Variants in ZDHHC9 observed in about 807,000 individuals in gnomAD.
ZDHHC9 encodes zDHHC palmitoyltransferase 9.
In ZDHHC9, 3 loss-of-function variants were observed where a neutral mutation model predicts 26.6. The ratio of observed to expected loss-of-function variants is 0.11; its 90% confidence interval spans 0.05 to 0.29. The LOEUF (loss-of-function observed/expected upper bound fraction) is 0.29, where lower values mean the gene tolerates loss of function less well. ZDHHC9 is among the 10% of genes least tolerant of loss of function. The pLI is 1.00. For missense variants in ZDHHC9, 146 were observed against 296.4 expected (o/e 0.49, Z 3.73); for synonymous variants, 111 against 109.4 (o/e 1.01, Z -0.09).
At chrX:129,830,139 C>T (rs905378651) in intron 3 of ZDHHC9, among the ~76,000 whole-genome samples, 9 of 111,851 alleles carry the variant, frequency 8.0e-5, no homozygotes, top group Non-Finnish European at 1.9e-5. Flanking sequence ...CTTCCAGAGC[C>T]TTGCATTATT....
intron 3 of ZDHHC9, among the ~76,000 whole-genome samples, chrX:129,839,306 G>A (rs1928327833): frequency 9.3e-6 from 1 of 107,978 alleles, no homozygotes; most frequent in Non-Finnish European, 1.9e-5. Flanking sequence ...CGCCTCCCAG[G>A]TGCAAGGGAT....
chrX:129,829,180 CCCTATAT>C (rs751484308), intron 3 of ZDHHC9, 39 bp from the exon 4 acceptor site: 745 of 1,193,030 alleles, frequency 6.2e-4, no homozygotes, highest in Non-Finnish European at 8.1e-4. Flanking sequence ...ATGATACCTA[CCCTATAT>C]TGATCTCCAA....
intron 5 of ZDHHC9, among the ~76,000 whole-genome samples, chrX:129,818,939 G>A (rs1345736707): frequency 9.0e-6 from 1 of 110,511 alleles, no homozygotes; most frequent in Non-Finnish European, 1.9e-5. Context: ...TTGGGAGGCC[G>A]AGGCAGGTGG....
At chrX:129,823,509 A>G (rs1289277140) in intron 5 of ZDHHC9, 170 bp downstream of exon 5, 1 of 518,546 alleles carries the variant, frequency 1.9e-6, no homozygotes, top group Non-Finnish European at 3.3e-6. Flanking sequence ...ACACAAGTAC[A>G]GCTGATTTGC....
At chrX:129,806,694 A>G (rs1370008428) in intron 10 of ZDHHC9, among the ~76,000 whole-genome samples, 1 of 112,000 alleles carries the variant, frequency 8.9e-6, no homozygotes, top group African/African-American at 3.2e-5. Flanking sequence ...TTGATCCTTA[A>G]CTGTTGGTTG....
At chrX:129,822,660 T>C (rs1927917459) in intron 5 of ZDHHC9, among the ~76,000 whole-genome samples, 1 of 111,133 alleles carries the variant, frequency 9.0e-6, no homozygotes, top group South Asian at 3.7e-4. Flanking sequence ...TTTATAAAAA[T>C]CTTATATACA....
intron 4 of ZDHHC9, 109 bp from the exon 5 acceptor site, chrX:129,823,946 C>CTG (rs1927951354): frequency 1.4e-6 from 1 of 737,771 alleles, no homozygotes; most frequent in Non-Finnish European, 2.1e-6. Flanking sequence ...CCCAAGCCCC[C>CTG]TGTCTTTTAT....
chrX:129,817,585 T>C (rs1927785455), intron 5 of ZDHHC9, among the ~76,000 whole-genome samples: 1 of 111,705 alleles, frequency 9.0e-6, no homozygotes, highest in Admixed American at 9.5e-5. Flanking sequence ...CCAAAACCCT[T>C]TCATTACTCC....
intron 5 of ZDHHC9, among the ~76,000 whole-genome samples, chrX:129,820,081 A>C (rs1040546030): frequency 9.0e-6 from 1 of 111,069 alleles, no homozygotes; most frequent in Non-Finnish European, 1.9e-5. Context: ...TGAGTTAAAC[A>C]TTTCCACCCC....
At chrX:129,832,961 C>G (rs1345523021) in intron 3 of ZDHHC9, among the ~76,000 whole-genome samples, 1 of 82,584 alleles carries the variant, frequency 1.2e-5, no homozygotes, top group Non-Finnish European at 2.2e-5. Flanking sequence ...CAAGACTCCA[C>G]CTCAAAAAAA....
At chrX:129,827,022 C>T (rs1227230546) in intron 4 of ZDHHC9, among the ~76,000 whole-genome samples, 1 of 109,834 alleles carries the variant, frequency 9.1e-6, no homozygotes, top group African/African-American at 3.3e-5. Flanking sequence ...GGTGAAACAC[C>T]GTCTCTACTA....
intron 5 of ZDHHC9, chrX:129,823,290 C>T (rs2098965811): frequency 5.9e-6 from 1 of 170,208 alleles, no homozygotes; most frequent in Admixed American, 7.5e-5. Context: ...CTTTCCTCTT[C>T]TTGGGTTGCG....
intron 3 of ZDHHC9, among the ~76,000 whole-genome samples, chrX:129,832,318 A>G (rs1361865103): frequency 9.0e-6 from 1 of 111,276 alleles, no homozygotes. Context: ...CTCCAAAGTC[A>G]GGAGTATCCT....
intron 3 of ZDHHC9, among the ~76,000 whole-genome samples, chrX:129,840,605 C>T (rs1771612): frequency 0.12 from 12,828 of 110,812 alleles, 1,316 homozygotes; most frequent in East Asian, 0.41. Flanking sequence ...TCAGCAGTAG[C>T]GGCGGCAGCA....
intron 5 of ZDHHC9, among the ~76,000 whole-genome samples, chrX:129,817,588 A>G (rs1415726727): frequency 9.0e-6 from 1 of 111,572 alleles, no homozygotes; most frequent in Non-Finnish European, 1.9e-5. Context: ...AAACCCTTTC[A>G]TTACTCCAAA....
rs1414103508 is a variant in ZDHHC9, at chrX:129,835,355, G to A, written c.168-6214C>T. 2.8e-5 allele frequency among the ~76,000 whole-genome samples: 3 copies of A among 107,615 alleles called. No homozygotes were observed. In the East Asian group the frequency reaches 8.6e-4, roughly 31 times the overall value. 93.5% of individuals were successfully genotyped at this position (107,615 alleles called of 115,157 possible). On this transcript the variant is annotated intron_variant, in intron 3 of 10. Transcript: ENST00000357166. ...CCAGATACTTGGGAGGCTGAGGTGG[G>A]AGGACTGTTTAAGCCCAGGAGGCAG...
Position 129,836,949 on chromosome X carries a change from A to T in ZDHHC9, c.167+4830T>A, listed in dbSNP as rs757256098. ...CACTTTACTAAAGCATGTGTGTTTGAATATCTTCAGGATTCCATAGCCAAA... is the reference window on the plus strand; with the variant it reads ...CACTTTACTAAAGCATGTGTGTTTGTATATCTTCAGGATTCCATAGCCAAA... On this transcript the variant is annotated intron_variant, in intron 3 of 10. Transcript: ENST00000357166. Among the ~76,000 whole-genome samples, 8 of 112,423 alleles carry T rather than the reference A, an allele frequency of 7.1e-5. No individual in the cohort carries two copies. In the South Asian group the frequency reaches 1.1e-3, roughly 15 times the overall value.
intron 10 of ZDHHC9, among the ~76,000 whole-genome samples, chrX:129,810,383 G>A (rs1395145518): frequency 9.1e-6 from 1 of 110,085 alleles, no homozygotes; most frequent in African/African-American, 3.3e-5. Flanking sequence ...TTTTAGGAAA[G>A]TACTTTATAT....
In ZDHHC9 at chrX:129,807,516, T is replaced by C. The variant is rs749258045; in HGVS notation, c.979-1030A>G. ...AAAACAAAGTTCAAACTACTAAAAATCTATTAGAACTAATGAACAAGGGCC... is the reference window on the plus strand; with the variant it reads ...AAAACAAAGTTCAAACTACTAAAAACCTATTAGAACTAATGAACAAGGGCC... On this transcript the variant is annotated intron_variant, in intron 10 of 10. Coordinates refer to ENST00000357166, the MANE Select transcript of ZDHHC9 (RefSeq NM_016032.4). Among the ~76,000 whole-genome samples the C allele has an allele frequency of 7.6e-5, 7 of 92,093 alleles. No homozygotes were observed. The South Asian group carries it at 3.2e-3, about 42-fold the overall frequency. The allele number at this position is 92,093 out of a possible 115,157, so 80.0% of individuals were successfully genotyped here. A position where few individuals can be genotyped will look rare whatever the true frequency, so the allele number is the denominator to read the frequency against.
Sources: allele counts gnomAD v4.1 joint callset (sites outside exome capture counted in the v4.1 genomes callset), GRCh38; gene constraint gnomAD v4.1.1; transcripts MANE v1.5; gene names NCBI Gene and HGNC (gene_info 2026-07-23, HGNC 2026-07-21).